The following CDK7 variants were observed in gnomAD, a reference collection of about 807,000 sequenced individuals.
The protein encoded by CDK7 is cyclin-dependent kinase 7.
In CDK7, 25 loss-of-function variants were observed where a neutral mutation model predicts 49.1. The ratio of observed to expected loss-of-function variants is 0.51; its 90% CI spans 0.37 to 0.71. The LOEUF (loss-of-function observed/expected upper bound fraction) is 0.71. Among genes scored for constraint, CDK7 ranks in the 30% least tolerant of loss-of-function variants. The pLI, the probability that CDK7 is intolerant of heterozygous loss-of-function variation, is 0.00. For missense variants in CDK7, 316 were observed against 411.7 expected, an observed-to-expected ratio of 0.77 and a Z score of 2.01; for synonymous variants, 107 against 140.0, an observed-to-expected ratio of 0.76 and a Z score of 1.67.
At position 69,276,569 on chromosome 5, in the gene CDK7, T is replaced by C; in HGVS notation, c.891T>C (p.Asn297=). 1 of 1,613,392 alleles carries C rather than the reference T, an allele frequency of 6.2e-7. No individual in the cohort carries two copies. Among genetic ancestry groups the C allele is most frequent in the Non-Finnish European group, 8.5e-7 (1 of 1,180,006 alleles). The change falls in exon 11 of 12, where the codon AAT becomes AAC. Residue 297 remains asparagine (N), a synonymous_variant. Transcript: ENST00000256443. ...TQALKMKYFS[N]RPGPTPGCQL... ...CACTGAAAATGAAGTATTTCAGTAA[T>C]CGGCCAGGGCCAACACCTGGATGTC...
chr5:69,242,140 A>G (rs1749438112), intron 2 of CDK7, among the ~76,000 whole-genome samples: 2 of 152,254 alleles, frequency 1.3e-5, no homozygotes, highest in Non-Finnish European at 2.9e-5. Flanking sequence ...CAATTTTCCC[A>G]GCACCACTTA....
chr5:69,277,079 T>C, intron 11 of CDK7, 28 bp from the exon 12 acceptor site: 1 of 1,576,444 alleles, frequency 6.3e-7, no homozygotes, highest in Non-Finnish European at 8.6e-7. Flanking sequence ...GAACAACTTT[T>C]TTTTTTCTTG....
intron 8 of CDK7, among the ~76,000 whole-genome samples, chr5:69,267,174 A>G (rs1054891262): frequency 3.9e-5 from 6 of 152,126 alleles, no homozygotes; most frequent in Non-Finnish European, 8.8e-5. Context: ...AACCAGTTTC[A>G]ATAGTTTCAA....
intron 8 of CDK7, among the ~76,000 whole-genome samples, chr5:69,263,803 T>C (rs986021049): frequency 1.2e-4 from 18 of 152,152 alleles, no homozygotes; most frequent in African/African-American, 4.3e-4. Context: ...GACTGATCAC[T>C]CCATTGAGAA....
intron 10 of CDK7, among the ~76,000 whole-genome samples, chr5:69,273,715 G>C (rs1751808569): frequency 6.6e-6 from 1 of 152,212 alleles, no homozygotes; most frequent in South Asian, 2.1e-4. Context: ...ACTAATGAAA[G>C]TGAGATCACA....
chr5:69,239,800 A>T lies in CDK7; in HGVS notation c.126+4347A>T, dbSNP rs571036189. 7.3e-4 allele frequency among the ~76,000 whole-genome samples: 111 copies of T among 152,130 alleles called. No individual in the cohort carries two copies. In the Middle Eastern group the frequency reaches 0.014, roughly 19 times the overall value. ...AGAATTCTGTACTTGTAAAATTTTT[A>T]AAATATTGATTTTAATACTTAGATC... On this transcript the variant is annotated intron_variant, in intron 2 of 11. Transcript: ENST00000256443.
At chr5:69,259,097 G>A (rs1008065125) in intron 6 of CDK7, among the ~76,000 whole-genome samples, 4 of 151,602 alleles carry the variant, frequency 2.6e-5, no homozygotes, top group Non-Finnish European at 4.4e-5. Context: ...AAAGAACATA[G>A]GTCTTTTGGC....
chr5:69,274,035 A>G (rs1751854327), intron 10 of CDK7, among the ~76,000 whole-genome samples: 1 of 152,112 alleles, frequency 6.6e-6, no homozygotes, highest in Non-Finnish European at 1.5e-5. Flanking sequence ...TACTCTTTTA[A>G]TTTCAAACAA....
chr5:69,261,526 A>ATGTGTGTG (rs35466335), intron 7 of CDK7, among the ~76,000 whole-genome samples: 3 of 118,044 alleles, frequency 2.5e-5, no homozygotes, highest in Non-Finnish European at 5.4e-5. Flanking sequence ...GTGTGTGTGT[A>ATGTGTGTG]TGTGTGTGTG....
At chr5:69,249,853 A>G (rs890401092) in intron 2 of CDK7, among the ~76,000 whole-genome samples, 5 of 152,240 alleles carry the variant, frequency 3.3e-5, no homozygotes, top group African/African-American at 1.2e-4. Context: ...TCTCCAAAAA[A>G]CAAAGACTGA....
chr5:69,234,875 C>T (rs1434005793), upstream of CDK7: 4 of 1,178,164 alleles, frequency 3.4e-6, no homozygotes, highest in South Asian at 1.3e-5. Flanking sequence ...CGACGGAGCC[C>T]GGTGGACGGA....
At chr5:69,248,496 T>G (rs565338124) in intron 2 of CDK7, among the ~76,000 whole-genome samples, 1 of 152,250 alleles carries the variant, frequency 6.6e-6, no homozygotes. Flanking sequence ...CAAGCGATTC[T>G]CCTGCCTCAG....
In CDK7 at chr5:69,269,233, C is replaced by T. The variant is rs766989321; in HGVS notation, c.654C>T (p.Asp218=). ...LRVPFLPGDS[D]LDQLTRIFET... ...TTCCTTTTTTGCCAGGAGATTCAGA[C>T]CTTGATCAGCTAACAAGAATATTTG... The change falls in exon 9 of 12, where the codon GAC becomes GAT. Residue 218 remains aspartate, a synonymous_variant. Transcript: ENST00000256443. 6.2e-7 allele frequency: 1 copy of T among 1,611,764 alleles called. No individual in the cohort carries two copies. Among genetic ancestry groups the T allele is most frequent in the Admixed American group, 1.7e-5 (1 of 59,716 alleles).
At chr5:69,269,681 TACAC>T (rs1032261754) in intron 9 of CDK7, among the ~76,000 whole-genome samples, 2 of 152,148 alleles carry the variant, frequency 1.3e-5, no homozygotes, top group Admixed American at 6.5e-5. Flanking sequence ...TAAAACCCAT[TACAC>T]ACACATGCAC....
intron 8 of CDK7, among the ~76,000 whole-genome samples, chr5:69,264,285 A>G (rs1206375105): frequency 6.6e-6 from 1 of 152,210 alleles, no homozygotes; most frequent in Non-Finnish European, 1.5e-5. Flanking sequence ...AAAATAAGAG[A>G]CACTTGAACT....
chr5:69,236,521 A>C (rs1323730274), intron 2 of CDK7, among the ~76,000 whole-genome samples: 1 of 149,242 alleles, frequency 6.7e-6, no homozygotes, highest in African/African-American at 2.5e-5. Flanking sequence ...GAAGTTATCC[A>C]TATTTAACAT....
intron 7 of CDK7, among the ~76,000 whole-genome samples, chr5:69,261,101 A>G (rs1338983389): frequency 6.6e-6 from 1 of 152,156 alleles, no homozygotes; most frequent in Non-Finnish European, 1.5e-5. Context: ...TACAGGTGTG[A>G]GCCATTGTGC....
intron 2 of CDK7, among the ~76,000 whole-genome samples, chr5:69,246,360 C>T (rs1749755032): frequency 6.6e-6 from 1 of 152,100 alleles, no homozygotes; most frequent in Non-Finnish European, 1.5e-5. Flanking sequence ...TGGTCTCGAT[C>T]TTCTGACCTC....
At chr5:69,246,433 C>A (rs1263737051) in intron 2 of CDK7, among the ~76,000 whole-genome samples, 2 of 151,976 alleles carry the variant, frequency 1.3e-5, no homozygotes, top group Admixed American at 1.3e-4. Context: ...CCGCACCCGG[C>A]CAGAAGTTTA....
Sources: gnomAD v4.1 joint callset for allele counts (sites outside exome capture counted in the v4.1 genomes callset) on GRCh38, gnomAD v4.1.1 for gene constraint, MANE v1.5 for transcripts, NCBI Gene and HGNC (gene_info 2026-07-23, HGNC 2026-07-21) for gene names.